SAMD7: variants seen among roughly 807,000 people sequenced by gnomAD.
The protein encoded by SAMD7 is sterile alpha motif domain containing 7.
A neutral mutation model predicts 36.7 loss-of-function variants in SAMD7; 34 were observed. The ratio of observed to expected loss-of-function variants is 0.93; its 90% CI spans 0.71 to 1.23. The LOEUF is 1.23. SAMD7 is among the 50% of genes most tolerant of loss of function. SAMD7 has a pLI of 0.00. For synonymous variants in SAMD7, 188 were observed against 189.7 expected (o/e 0.99, Z 0.07); for missense variants, 570 against 546.6 (o/e 1.04, Z -0.43).
At chr3:169,917,667 A>G (rs1712867202) in intron 2 of SAMD7, among the ~76,000 whole-genome samples, 1 of 113,426 alleles carries the variant, frequency 8.8e-6, no homozygotes. Flanking sequence ...TTTGAGACGG[A>G]GTCTCGCTCT....
intron 4 of SAMD7, among the ~76,000 whole-genome samples, chr3:169,922,266 C>G (rs765182296): frequency 4.6e-5 from 7 of 152,064 alleles, no homozygotes; most frequent in Non-Finnish European, 8.8e-5. Flanking sequence ...GATAAGATCA[C>G]CTATGGAGAG....
chr3:169,932,035 C>T (rs2108264719), intron 7 of SAMD7: 2 of 665,724 alleles, frequency 3.0e-6, no homozygotes, highest in South Asian at 5.1e-5. Flanking sequence ...TTAGCAATTC[C>T]TGTCATCTTT....
intron 7 of SAMD7, chr3:169,932,649 A>G: frequency 1.8e-6 from 1 of 549,028 alleles, no homozygotes; most frequent in Non-Finnish European, 3.6e-6. Context: ...GCCGATGGAG[A>G]CACAATGGAA....
rs764134487 is a variant in SAMD7 at position 169,927,160 on chromosome 3, G to A, written c.898G>A (p.Val300Ile). The A allele has an allele frequency of 1.3e-6, 2 of 1,533,236 alleles. No individual in the cohort carries two copies. The highest frequency in any genetic ancestry group is 2.8e-5 in the African/African-American group (2 of 71,852). The allele number at this position is 1,533,236 out of a possible 1,614,324, so 95.0% of individuals were successfully genotyped here. ...CDEKNGVCPP[V>I]PRPSLPGTHA... ...TGAAAAGAATGGGGTTTGCCCTCCA[G>A]TTCCTCGACCATCTCTGCCAGGTGG... The change falls in exon 6 of 9, where the codon GTT becomes ATT. Residue 300 changes from valine (V) to isoleucine (I), a missense_variant. Coordinates refer to ENST00000335556, the MANE Select transcript of SAMD7 (RefSeq NM_001304366.2).
At chr3:169,933,152 C>T (rs1270896914) in intron 7 of SAMD7, 2 of 754,378 alleles carry the variant, frequency 2.7e-6, no homozygotes, top group Non-Finnish European at 4.9e-6. Flanking sequence ...TCCTGAGTGT[C>T]CTGGCCACCG....
chr3:169,936,409 T>G lies in SAMD7; in HGVS notation c.1112T>G (p.Met371Arg). Residue 371 changes from methionine (M) to arginine (R), a missense_variant, in exon 8 of 9, where the codon ATG becomes AGG. Coordinates refer to ENST00000335556, the MANE Select transcript of SAMD7 (RefSeq NM_001304366.2). The part of the protein sequence containing the change: ...LLTEEHLRGT[M>R]GLKLGPALKI... ...ACAGAAGAGCATCTTCGAGGCACTA[T>G]GGGATTAAAGCTAGGGCCGGCACTA... The G allele has an allele frequency of 6.2e-7, 1 of 1,613,626 alleles. No homozygotes were observed. Among genetic ancestry groups the G allele is most frequent in the Non-Finnish European group, 8.5e-7 (1 of 1,179,556 alleles).
chr3:169,914,064 G>A (rs895026514), intron 1 of SAMD7, among the ~76,000 whole-genome samples: 3 of 152,218 alleles, frequency 2.0e-5, no homozygotes, highest in African/African-American at 7.2e-5. Flanking sequence ...ATCATAGAAT[G>A]TCCAACACCA....
chr3:169,919,235 G>T (rs1712941460), intron 2 of SAMD7, among the ~76,000 whole-genome samples: 1 of 152,056 alleles, frequency 6.6e-6, no homozygotes. Flanking sequence ...TTGTAGTTTG[G>T]TACCGTATTA....
At chr3:169,923,835 A>G (rs536583923) in intron 4 of SAMD7, among the ~76,000 whole-genome samples, 2 of 152,322 alleles carry the variant, frequency 1.3e-5, no homozygotes, top group South Asian at 2.1e-4. Context: ...AATAGAAACT[A>G]AGACAGGGAT....
chr3:169,921,599 C>T (rs1468224385), intron 4 of SAMD7, among the ~76,000 whole-genome samples: 1 of 152,150 alleles, frequency 6.6e-6, no homozygotes, highest in East Asian at 1.9e-4. Context: ...TCTTATCTTA[C>T]ACATGAGGAA....
intron 4 of SAMD7, among the ~76,000 whole-genome samples, chr3:169,923,009 G>T (rs1713113177): frequency 6.6e-6 from 1 of 152,170 alleles, no homozygotes; most frequent in African/African-American, 2.4e-5. Context: ...CATGACTTGT[G>T]AGGGCTCAGG....
Position 169,927,194 on chromosome 3 carries a change from G to C in SAMD7, c.919+13G>C. ...CCATCTCTGCCAGGTGGGTGTCCAG[G>C]GGCCAATGGCAGATCCTCATTAACT... On this transcript the variant is annotated intron_variant, in intron 6 of 8. Coordinates refer to ENST00000335556, the MANE Select transcript of SAMD7 (RefSeq NM_001304366.2). The C allele has an allele frequency of 6.6e-7, 1 of 1,517,656 alleles. No individual in the cohort carries two copies. Among genetic ancestry groups the C allele is most frequent in the Admixed American group, 2.3e-5 (1 of 44,244 alleles). 94.0% of individuals were successfully genotyped at this position (1,517,656 alleles called of 1,614,324 possible).
At chr3:169,914,385 A>G (rs1312343095) in intron 1 of SAMD7, among the ~76,000 whole-genome samples, 1 of 152,226 alleles carries the variant, frequency 6.6e-6, no homozygotes, top group Non-Finnish European at 1.5e-5. Context: ...GATAGTGATA[A>G]GTAAATAAGT....
intron 2 of SAMD7, among the ~76,000 whole-genome samples, chr3:169,917,535 A>C (rs962479501): frequency 6.6e-6 from 1 of 152,144 alleles, no homozygotes; most frequent in Non-Finnish European, 1.5e-5. Context: ...ACATCAGGGT[A>C]AACGGCCTAT....
chr3:169,925,121 G>A lies in SAMD7; in HGVS notation c.275G>A (p.Arg92Gln), dbSNP rs143861109. Residue 92 changes from arginine to glutamine, a missense_variant, in exon 5 of 9, where the codon CGG (arginine) becomes CAG (glutamine). Arg to Gln is a conservative substitution (Grantham distance 43, BLOSUM62 1). Coordinates refer to ENST00000335556, the MANE Select transcript of SAMD7 (RefSeq NM_001304366.2). Reference protein sequence around the residue: ...AVARRNEMIQRHHTARTEMEM... With the variant: ...AVARRNEMIQQHHTARTEMEM... ...GCCAGAAGGAATGAAATGATTCAAC[G>A]GCATCATACTGCCAGGTAATTTGGC... 148 of 1,605,844 alleles carry A rather than the reference G, an allele frequency of 9.2e-5. No homozygotes were observed. Among genetic ancestry groups the A allele is most frequent in the South Asian group, 4.7e-4 (42 of 89,558 alleles).
At chr3:169,933,179 C>G (rs543734982) in intron 7 of SAMD7, 24 of 720,994 alleles carry the variant, frequency 3.3e-5, no homozygotes, top group Non-Finnish European at 6.0e-5. Context: ...AGTGCACTGA[C>G]CAGTTTGGGA....
At chr3:169,921,980 G>A (rs1257561434) in intron 4 of SAMD7, among the ~76,000 whole-genome samples, 1 of 152,134 alleles carries the variant, frequency 6.6e-6, no homozygotes, top group Non-Finnish European at 1.5e-5. Context: ...GTGTGTATGT[G>A]GAAGGTGGAA....
chr3:169,920,866 T>A (rs1340422470), intron 3 of SAMD7, among the ~76,000 whole-genome samples: 1 of 152,172 alleles, frequency 6.6e-6, no homozygotes, highest in East Asian at 1.9e-4. Flanking sequence ...CCAAAGTATG[T>A]CCATTAAATG....
At chr3:169,932,641 C>A in intron 7 of SAMD7, 1 of 543,730 alleles carries the variant, frequency 1.8e-6, no homozygotes, top group Non-Finnish European at 3.7e-6. Context: ...CAGCTTGTGC[C>A]GATGGAGACA....
Sources: gnomAD v4.1 joint callset for allele counts (sites outside exome capture counted in the v4.1 genomes callset) on GRCh38, gnomAD v4.1.1 for gene constraint, MANE v1.5 for transcripts, NCBI Gene and HGNC (gene_info 2026-07-23, HGNC 2026-07-21) for gene names.